The following PHLPP1 variants were observed in gnomAD, a reference collection of about 807,000 sequenced individuals.
PHLPP1 encodes PH domain leucine-rich repeat-containing protein phosphatase 1.
In PHLPP1, 42 loss-of-function variants were observed where a neutral mutation model predicts 117.2. The observed-to-expected ratio is 0.36, with a 90% CI of 0.28 to 0.46. The LOEUF is 0.46. Ranked by LOEUF, PHLPP1 falls within the 20% of genes least tolerant of loss-of-function variation. The pLI, the probability that PHLPP1 is intolerant of heterozygous loss-of-function variation, is 1.00. For missense variants in PHLPP1, 2,084 were observed against 2,241.9 expected (o/e 0.93, Z 1.42); for synonymous variants, 1,042 against 970.7 (o/e 1.07, Z -1.37).
intron 3 of PHLPP1, among the ~76,000 whole-genome samples, chr18:62,854,693 C>CT (rs5825495): frequency 2.4e-4 from 20 of 84,958 alleles, no homozygotes; most frequent in African/African-American, 7.5e-4. Context: ...GATCCTGCTA[C>CT]TTTTTTTTTT....
At chr18:62,834,298 A>G (rs1914832239) in intron 2 of PHLPP1, among the ~76,000 whole-genome samples, 1 of 152,146 alleles carries the variant, frequency 6.6e-6, no homozygotes, top group Non-Finnish European at 1.5e-5. Flanking sequence ...AACTAGTCAC[A>G]TCGCTCCACC....
At chr18:62,931,668 G>A (rs934396558) in intron 10 of PHLPP1, among the ~76,000 whole-genome samples, 1 of 151,848 alleles carries the variant, frequency 6.6e-6, no homozygotes, top group African/African-American at 2.4e-5. Context: ...GCTGAGGCAG[G>A]TGGATCATAA....
chr18:62,949,526 G>T (rs1156786732), intron 12 of PHLPP1, among the ~76,000 whole-genome samples: 1 of 152,312 alleles, frequency 6.6e-6, no homozygotes, highest in Admixed American at 6.5e-5. Context: ...GGATAGGGAG[G>T]TTATGTAAGT....
At chr18:62,847,960 T>C (rs1295340950) in intron 3 of PHLPP1, among the ~76,000 whole-genome samples, 1 of 152,244 alleles carries the variant, frequency 6.6e-6, no homozygotes, top group East Asian at 1.9e-4. Flanking sequence ...CTCAATATTG[T>C]TGAGTTACCA....
At position 62,717,192 on chromosome 18, in the gene PHLPP1, G is replaced by A. The variant is rs373688775; in HGVS notation, c.1509G>A (p.Gly503=). 2 of 1,613,438 alleles carry A rather than the reference G, an allele frequency of 1.2e-6. No homozygotes were observed. The highest frequency in any genetic ancestry group is 1.7e-6 in the Non-Finnish European group (2 of 1,179,690). ...ACTACCTCTTCCAACTGGGATTTGGGGAGCTGTGGAGGGTGCAGGAGGAAG... is the reference window on the plus strand; with the variant it reads ...ACTACCTCTTCCAACTGGGATTTGGAGAGCTGTGGAGGGTGCAGGAGGAAG... The part of the protein sequence containing the change: ...QNDYLFQLGF[G]ELWRVQEEGM... Residue 503 remains glycine, a synonymous_variant, in exon 1 of 17, where the codon GGG becomes GGA. Transcript: ENST00000262719.
intron 12 of PHLPP1, among the ~76,000 whole-genome samples, chr18:62,950,780 C>G (rs372513776): frequency 5.3e-5 from 8 of 152,178 alleles, no homozygotes; most frequent in African/African-American, 1.7e-4. Flanking sequence ...ATTTTCCAAC[C>G]GTTGCGGAAT....
chr18:62,795,214 A>T lies in PHLPP1; in HGVS notation c.1577-34821A>T, dbSNP rs1913590683. ...AAAAACTGGCCGGGCGCGATGGCTCACACTTGTAATCCCAGCACTTTGGGA... is the reference window on the plus strand; with the variant it reads ...AAAAACTGGCCGGGCGCGATGGCTCTCACTTGTAATCCCAGCACTTTGGGA... On this transcript the variant is annotated intron_variant, in intron 1 of 16. Coordinates refer to ENST00000262719, the MANE Select transcript of PHLPP1 (RefSeq NM_194449.4). 3.3e-5 allele frequency among the ~76,000 whole-genome samples: 5 copies of T among 152,242 alleles called. No homozygotes were observed. In the South Asian group the frequency reaches 1.0e-3, roughly 32 times the overall value.
At chr18:62,806,280 T>C (rs1016919526) in intron 1 of PHLPP1, among the ~76,000 whole-genome samples, 1 of 152,214 alleles carries the variant, frequency 6.6e-6, no homozygotes. Flanking sequence ...GACTCCTTTC[T>C]GCCATTTTGT....
Position 62,958,773 on chromosome 18 carries a change from A to G in PHLPP1, c.3455+14A>G. The G allele has an allele frequency of 1.2e-6, 2 of 1,613,816 alleles. No homozygotes were observed. The highest frequency in any genetic ancestry group is 1.7e-6 in the Non-Finnish European group (2 of 1,179,732). On this transcript the variant is annotated intron_variant, in intron 13 of 16. Transcript: ENST00000262719. ...GGAACTACTGAAGTAAGTATTCTGTAAAGCACTGTATCCCCATCATTGTCC... is the reference window on the plus strand; with the variant it reads ...GGAACTACTGAAGTAAGTATTCTGTGAAGCACTGTATCCCCATCATTGTCC...
At chr18:62,867,976 T>G (rs1194372412) in intron 4 of PHLPP1, among the ~76,000 whole-genome samples, 1 of 152,094 alleles carries the variant, frequency 6.6e-6, no homozygotes, top group Non-Finnish European at 1.5e-5. Flanking sequence ...CACGCCCGGC[T>G]AATTTTTCTA....
chr18:62,781,336 C>T (rs1352026770), intron 1 of PHLPP1, among the ~76,000 whole-genome samples: 3 of 152,174 alleles, frequency 2.0e-5, no homozygotes, highest in East Asian at 3.9e-4. Context: ...CATGTCTTGC[C>T]TTAATGTGGG....
chr18:62,960,352 A>G (rs918969507), intron 13 of PHLPP1, among the ~76,000 whole-genome samples: 1 of 152,222 alleles, frequency 6.6e-6, no homozygotes, highest in Admixed American at 6.5e-5. Flanking sequence ...CAAGAAAAGA[A>G]ATCAGTACAT....
intron 15 of PHLPP1, among the ~76,000 whole-genome samples, chr18:62,974,726 G>C (rs1267775417): frequency 6.6e-6 from 1 of 152,182 alleles, no homozygotes; most frequent in Non-Finnish European, 1.5e-5. Context: ...TGGTAGGTCT[G>C]TGGATTCTCA....
intron 1 of PHLPP1, among the ~76,000 whole-genome samples, chr18:62,788,159 T>TA (rs1286353675): frequency 6.6e-6 from 1 of 152,246 alleles, no homozygotes; most frequent in Admixed American, 6.5e-5. Flanking sequence ...GAGGCCCTTT[T>TA]AAGTTTGTTT....
chr18:62,937,025 A>G (rs957412665), intron 10 of PHLPP1, among the ~76,000 whole-genome samples: 2 of 152,266 alleles, frequency 1.3e-5, no homozygotes, highest in Non-Finnish European at 2.9e-5. Context: ...TATAAGTCCC[A>G]GTACAGATTT....
rs1911320156 is a variant in PHLPP1, at chr18:62,979,688, CAAAG to C, written c.*260_*263del. The C allele has an allele frequency of 4.0e-6, 2 of 500,792 alleles. No homozygotes were observed. Among genetic ancestry groups the C allele is most frequent in the Admixed American group, 3.7e-5 (1 of 26,938 alleles). 31.0% of individuals were successfully genotyped at this position (500,792 alleles called of 1,614,324 possible). Reference sequence around the variant, plus strand: ...CCCTAACATATCAGATATGTAAAGACAAAGAACAAAAGGTTTAATATATTACAGA... The same window carrying C: ...CCCTAACATATCAGATATGTAAAGACAACAAAAGGTTTAATATATTACAGA... On this transcript the variant is annotated 3_prime_UTR_variant, in exon 17 of 17. Coordinates refer to ENST00000262719, the MANE Select transcript of PHLPP1 (RefSeq NM_194449.4).
intron 1 of PHLPP1, among the ~76,000 whole-genome samples, chr18:62,747,578 A>G (rs1267088321): frequency 5.3e-5 from 8 of 151,180 alleles, no homozygotes; most frequent in African/African-American, 1.9e-4. Flanking sequence ...GCTGGTGTGC[A>G]CAGTCATGGG....
intron 1 of PHLPP1, among the ~76,000 whole-genome samples, chr18:62,829,738 C>T (rs529528416): frequency 2.2e-3 from 328 of 151,828 alleles, no homozygotes; most frequent in African/African-American, 7.6e-3. Context: ...GGTGACAGAG[C>T]GAAACTCCAT....
In PHLPP1 at chr18:62,895,227, C is replaced by T. The variant is rs1231819978; in HGVS notation, c.2213+70C>T. 4 of 1,486,112 alleles carry T rather than the reference C, an allele frequency of 2.7e-6. No individual in the cohort carries two copies. In the East Asian group the frequency reaches 6.8e-5, roughly 25 times the overall value. The allele number at this position is 1,486,112 out of a possible 1,614,324, so 92.1% of individuals were successfully genotyped here. A position where few individuals can be genotyped will look rare whatever the true frequency, so the allele number is the denominator to read the frequency against. On this transcript the variant is annotated intron_variant, in intron 5 of 16. Coordinates refer to ENST00000262719, the MANE Select transcript of PHLPP1 (RefSeq NM_194449.4). ...GGGAAGCTGCATTGGGGGTGTGGCA[C>T]ATGAGATTAGTTAACTTGTTATGTT...
Sources: gnomAD v4.1 joint callset for allele counts (sites outside exome capture counted in the v4.1 genomes callset) on GRCh38, gnomAD v4.1.1 for gene constraint, MANE v1.5 for transcripts, NCBI Gene and HGNC (gene_info 2026-07-23, HGNC 2026-07-21) for gene names.